GLIS3: variants seen among roughly 807,000 people sequenced by gnomAD.
GLIS3 encodes the protein zinc finger protein GLIS3.
GLIS3 carries 53 observed loss-of-function variants against 78.6 expected under a neutral mutation model. The observed-to-expected ratio is 0.67, with a 90% confidence interval of 0.54 to 0.85. GLIS3 has a LOEUF of 0.85. GLIS3 is among the 40% of genes least tolerant of loss of function. GLIS3 has a pLI of 0.00. For synonymous variants in GLIS3, 684 were observed against 509.9 expected, an observed-to-expected ratio of 1.34 and a Z score of -4.60; for missense variants, 1,703 against 1,231.1, an observed-to-expected ratio of 1.38 and a Z score of -5.74.
At chr9:3,907,164 T>TG (rs1823766832) in intron 6 of GLIS3, among the ~76,000 whole-genome samples, 2 of 152,334 alleles carry the variant, frequency 1.3e-5, no homozygotes, top group South Asian at 4.1e-4. Flanking sequence ...ACATGTGCAC[T>TG]GGGGCTTTGT....
intron 4 of GLIS3, among the ~76,000 whole-genome samples, chr9:3,938,795 G>A (rs1826035248): frequency 6.6e-6 from 1 of 152,206 alleles, no homozygotes; most frequent in South Asian, 2.1e-4. Flanking sequence ...TTTTTCAGCA[G>A]AGTGAAAGGA....
At chr9:3,949,878 A>C (rs958978178) in intron 4 of GLIS3, among the ~76,000 whole-genome samples, 1 of 152,242 alleles carries the variant, frequency 6.6e-6, no homozygotes, top group Non-Finnish European at 1.5e-5. Context: ...GCGTCATATC[A>C]GAAGACACAT....
chr9:3,927,359 T>C (rs1825325626), intron 6 of GLIS3, among the ~76,000 whole-genome samples: 1 of 152,244 alleles, frequency 6.6e-6, no homozygotes, highest in Non-Finnish European at 1.5e-5. Flanking sequence ...CGCCTAATGT[T>C]ACCTTCCTTC....
At chr9:4,316,572 C>T (rs1447491528) in intron 2 of GLIS3, among the ~76,000 whole-genome samples, 2 of 152,120 alleles carry the variant, frequency 1.3e-5, no homozygotes, top group African/African-American at 4.8e-5. Flanking sequence ...TCTGGGTACT[C>T]CGGTTTCCAC....
intron 2 of GLIS3, among the ~76,000 whole-genome samples, chr9:4,219,203 C>T (rs576016747): frequency 2.0e-5 from 3 of 152,340 alleles, no homozygotes; most frequent in South Asian, 4.1e-4. Flanking sequence ...TCCTCTTCCA[C>T]GGTCTCCCCT....
chr9:3,987,395 C>G (rs1036913478), intron 4 of GLIS3, among the ~76,000 whole-genome samples: 1 of 151,788 alleles, frequency 6.6e-6, no homozygotes, highest in African/African-American at 2.4e-5. Flanking sequence ...AGAGTAGAAC[C>G]GAAAGAGTAT....
chr9:3,976,154 C>G (rs1456287723), intron 4 of GLIS3, among the ~76,000 whole-genome samples: 1 of 152,138 alleles, frequency 6.6e-6, no homozygotes, highest in African/African-American at 2.4e-5. Context: ...GCAATCCTGC[C>G]CCCATATGTT....
At chr9:4,236,204 A>AAAAAAAAAAAAAAAAAAAAAAAAG (rs536737911) in intron 2 of GLIS3, among the ~76,000 whole-genome samples, 47 of 86,336 alleles carry the variant, frequency 5.4e-4, no homozygotes, top group African/African-American at 7.8e-4. Flanking sequence ...AAAAAAAAAA[A>AAAAAAAAAAAAAAAAAAAAAAAAG]AAAGAAAGAA....
chr9:4,054,333 C>T lies in GLIS3; in HGVS notation c.1710+63435G>A, dbSNP rs950102756. 7 of 985,208 alleles carry T rather than the reference C, an allele frequency of 7.1e-6. No individual in the cohort carries two copies. In the African/African-American group the frequency reaches 8.7e-5, roughly 12 times the overall value. The allele number at this position is 985,208 out of a possible 1,614,324, so 61.0% of individuals were successfully genotyped here. On this transcript the variant is annotated intron_variant, in intron 4 of 10. Coordinates refer to ENST00000381971, the MANE Select transcript of GLIS3 (RefSeq NM_001042413.2). ...CAGATGTTTCCACAACTCCACAAGA[C>T]CTCCACCTTTCCAAGCTCTCAAAAG...
chr9:4,422,451 T>A, the GLIS3 span, among the ~76,000 whole-genome samples: 1 of 152,238 alleles, frequency 6.6e-6, no homozygotes, highest in Non-Finnish European at 1.5e-5. Context: ...AAGACATGGT[T>A]TCCCCAGGAT....
intron 5 of GLIS3, among the ~76,000 whole-genome samples, chr9:3,935,437 G>C (rs1825842310): frequency 6.6e-6 from 1 of 152,046 alleles, no homozygotes. Flanking sequence ...TTTTTAAAAA[G>C]ATATATATTT....
intron 4 of GLIS3, among the ~76,000 whole-genome samples, chr9:4,108,875 C>T (rs1372485151): frequency 1.3e-5 from 2 of 152,128 alleles, no homozygotes; most frequent in Non-Finnish European, 2.9e-5. Flanking sequence ...CTGTGCTCTC[C>T]GGTCAACAGA....
intron 4 of GLIS3, among the ~76,000 whole-genome samples, chr9:4,031,106 A>C (rs537994547): frequency 1.3e-5 from 2 of 152,318 alleles, no homozygotes; most frequent in East Asian, 1.9e-4. Flanking sequence ...CAAAAAGTTA[A>C]ATAGAATTAC....
chr9:4,172,121 G>A (rs1375032992), intron 2 of GLIS3, among the ~76,000 whole-genome samples: 1 of 152,124 alleles, frequency 6.6e-6, no homozygotes, highest in African/African-American at 2.4e-5. Context: ...GCCTCCAAAT[G>A]CTAAGATCTG....
chr9:4,256,393 T>C (rs1824942677), intron 2 of GLIS3, among the ~76,000 whole-genome samples: 1 of 152,230 alleles, frequency 6.6e-6, no homozygotes, highest in African/African-American at 2.4e-5. Context: ...TGGACAACTT[T>C]AGTAACAATC....
At chr9:4,370,799 G>C in the GLIS3 span, among the ~76,000 whole-genome samples, 1 of 151,742 alleles carries the variant, frequency 6.6e-6, no homozygotes, top group African/African-American at 2.4e-5. Flanking sequence ...ACGTACATTG[G>C]AAATTCAAAA....
At chr9:4,411,785 A>T in the GLIS3 span, among the ~76,000 whole-genome samples, 1 of 152,198 alleles carries the variant, frequency 6.6e-6, no homozygotes, top group African/African-American at 2.4e-5. Flanking sequence ...CTTATGCCGA[A>T]GTTTTTGCAT....
At chr9:4,487,714 G>C in the GLIS3 span, among the ~76,000 whole-genome samples, 1 of 150,706 alleles carries the variant, frequency 6.6e-6, no homozygotes, top group African/African-American at 2.4e-5. Flanking sequence ...AATAGATAGA[G>C]TCTCGCTCTG....
chr9:4,023,915 G>A (rs775194365), intron 4 of GLIS3, among the ~76,000 whole-genome samples: 18 of 152,078 alleles, frequency 1.2e-4, no homozygotes, highest in South Asian at 2.1e-4. Context: ...CTCAATGCTC[G>A]TTAAACAGGG....
Sources: allele counts gnomAD v4.1 joint callset (sites outside exome capture counted in the v4.1 genomes callset), GRCh38; gene constraint gnomAD v4.1.1; transcripts MANE v1.5; gene names NCBI Gene and HGNC (gene_info 2026-07-23, HGNC 2026-07-21).